Variants in AKT2 observed in about 807,000 individuals in gnomAD.
AKT2 encodes the protein AKT serine/threonine kinase 2.
A neutral mutation model predicts 58.6 loss-of-function variants in AKT2; 16 were observed. The ratio of observed to expected loss-of-function variants is 0.27; its 90% CI spans 0.18 to 0.41. The LOEUF is 0.41. Among genes scored for constraint, AKT2 ranks in the 10% least tolerant of loss-of-function variants. The probability of loss-of-function intolerance (pLI) is 1.00; values close to 1 mark genes in which losing one functional copy is unlikely to be tolerated. For synonymous variants in AKT2, 253 were observed against 254.0 expected (o/e 1.00, Z 0.04); for missense variants, 438 against 661.0 (o/e 0.66, Z 3.70).
intron 6 of AKT2, chr19:40,240,444 G>C: frequency 1.9e-6 from 1 of 526,576 alleles, no homozygotes. Context: ...GCTGTGGGAA[G>C]TCCCACCTAG....
chr19:40,238,878 G>A lies in AKT2; in HGVS notation c.708+27C>T. On this transcript the variant is annotated intron_variant, in intron 8 of 13. Coordinates refer to ENST00000392038, the MANE Select transcript of AKT2 (RefSeq NM_001626.6). This position sits in a 1 kb window ranked among gnomAD's most constrained non-coding sequence, Gnocchi z 5.1. Reference sequence around the variant, plus strand: ...CACCCTAAAGAAGGAGGCCCCAGAGGGCAAAGTCAAGGCAGCCGCGGCTCA... The same window carrying A: ...CACCCTAAAGAAGGAGGCCCCAGAGAGCAAAGTCAAGGCAGCCGCGGCTCA... 1.2e-6 allele frequency: 2 copies of A among 1,613,232 alleles called. No individual in the cohort carries two copies. The highest frequency in any genetic ancestry group is 1.7e-6 in the Non-Finnish European group (2 of 1,179,300).
intron 9 of AKT2, chr19:40,236,645 C>T: frequency 1.9e-6 from 1 of 540,294 alleles, no homozygotes; most frequent in Non-Finnish European, 3.3e-6. Context: ...ACCCACCGTC[C>T]CCATTGTGAA....
At position 40,271,054 on chromosome 19, in the gene AKT2, A is replaced by T. The variant is rs906647919; in HGVS notation, c.-84-5703T>A. On this transcript the variant is annotated intron_variant, in intron 1 of 13. Coordinates refer to ENST00000392038, the MANE Select transcript of AKT2 (RefSeq NM_001626.6). Reference sequence around the variant, plus strand: ...AACAAACAAACAAACAAACAAAAAAAGCTGGCCGGGCACGGTGGCTCACAC... The same window carrying T: ...AACAAACAAACAAACAAACAAAAAATGCTGGCCGGGCACGGTGGCTCACAC... Among the ~76,000 whole-genome samples the T allele has an allele frequency of 2.6e-5, 4 of 151,090 alleles. No homozygotes were observed. In the South Asian group the frequency reaches 6.3e-4, roughly 24 times the overall value.
intron 4 of AKT2, among the ~76,000 whole-genome samples, chr19:40,253,938 GA>G (rs1975351847): frequency 6.7e-6 from 1 of 149,732 alleles, no homozygotes; most frequent in South Asian, 2.1e-4. Context: ...TACACTAAGG[GA>G]AAAAGCAAGT....
At chr19:40,254,654 C>A (rs2356230) in intron 4 of AKT2, among the ~76,000 whole-genome samples, 17,326 of 150,636 alleles carry the variant, frequency 0.12, 1,430 homozygotes, top group African/African-American at 0.23. Context: ...ATGGAGAAGC[C>A]CCTTTTCTAC....
intron 2 of AKT2, among the ~76,000 whole-genome samples, chr19:40,259,826 A>G (rs902734150): frequency 6.6e-6 from 1 of 152,260 alleles, no homozygotes; most frequent in Non-Finnish European, 1.5e-5. Flanking sequence ...AAAGATGTTC[A>G]GCATCATTAG....
At chr19:40,255,917 T>A (rs1316652299) in intron 3 of AKT2, among the ~76,000 whole-genome samples, 1 of 151,094 alleles carries the variant, frequency 6.6e-6, no homozygotes, top group Non-Finnish European at 1.5e-5. Flanking sequence ...GCCAGGGAGG[T>A]GGGGAGCCAG....
intron 2 of AKT2, among the ~76,000 whole-genome samples, chr19:40,258,778 C>T (rs1975735122): frequency 6.6e-6 from 1 of 151,084 alleles, no homozygotes; most frequent in Non-Finnish European, 1.5e-5. Flanking sequence ...AATGCAAAAA[C>T]ATCCTGTGTG....
chr19:40,260,252 G>A lies in AKT2; in HGVS notation c.47-3198C>T, dbSNP rs145447168. 7.2e-5 allele frequency among the ~76,000 whole-genome samples: 11 copies of A among 152,234 alleles called. No individual in the cohort carries two copies. The East Asian group carries it at 2.1e-3, about 29-fold the overall frequency. On this transcript the variant is annotated intron_variant, in intron 2 of 13. Transcript: ENST00000392038. ...TGTAATGAAAAAAAAACAAGTGTTG[G>A]CAAGGATATAAACTGACACCCTCAT...
chr19:40,236,526 C>A, intron 9 of AKT2, 141 bp from the exon 10 acceptor site: 2 of 1,121,986 alleles, frequency 1.8e-6, no homozygotes, highest in Non-Finnish European at 2.6e-6. Flanking sequence ...CACAGCCTCA[C>A]CCTCTGAGGC....
chr19:40,272,038 C>A (rs905136659), intron 1 of AKT2, among the ~76,000 whole-genome samples: 7 of 152,234 alleles, frequency 4.6e-5, no homozygotes, highest in African/African-American at 1.4e-4. Flanking sequence ...GCTCACATAG[C>A]CCATACCACG....
rs574023063 is a variant in AKT2, at chr19:40,234,488, T to C, written c.1367-537A>G. The C allele has an allele frequency of 2.8e-5, 7 of 248,462 alleles. No homozygotes were observed. In the East Asian group the frequency reaches 4.3e-4, roughly 15 times the overall value. The allele number at this position is 248,462 out of a possible 1,614,324, so 15.4% of individuals were successfully genotyped here. ...CTGCTGCCGGTCCTTAGCTATGCCA[T>C]GCTTCTCCCATTGCTGGCATCCCAC... On this transcript the variant is annotated intron_variant, in intron 13 of 13. Coordinates refer to ENST00000392038, the MANE Select transcript of AKT2 (RefSeq NM_001626.6). This position sits in a 1 kb window ranked among gnomAD's most constrained non-coding sequence, Gnocchi z 4.7.
In AKT2 at chr19:40,230,848, G is replaced by C. The variant is rs1336082153; in HGVS notation, c.*3024C>G. On this transcript the variant is annotated 3_prime_UTR_variant, in exon 14 of 14. Coordinates refer to ENST00000392038, the MANE Select transcript of AKT2 (RefSeq NM_001626.6). Reference sequence around the variant, plus strand: ...TTCCCACCTCACCTCAGCCTTCCAAGTTAGCTGGGATTGCAGGCATGCACC... The same window carrying C: ...TTCCCACCTCACCTCAGCCTTCCAACTTAGCTGGGATTGCAGGCATGCACC... 3 of 188,026 alleles carry C rather than the reference G, an allele frequency of 1.6e-5. No individual in the cohort carries two copies. 11.6% of individuals were successfully genotyped at this position (188,026 alleles called of 1,614,324 possible).
chr19:40,255,135 G>C lies in AKT2; in HGVS notation c.287+23C>G, dbSNP rs1364181470. The C allele has an allele frequency of 1.9e-6, 3 of 1,579,602 alleles. No individual in the cohort carries two copies. In the South Asian group the frequency reaches 3.3e-5, roughly 17 times the overall value. On this transcript the variant is annotated intron_variant, in intron 4 of 13. Transcript: ENST00000392038. ...CCAGGCTTGCTCCCTCTCAAGGGCAGCCACACAGAGGCCCAGACTGACCTC... is the reference window on the plus strand; with the variant it reads ...CCAGGCTTGCTCCCTCTCAAGGGCACCCACACAGAGGCCCAGACTGACCTC...
In AKT2 at chr19:40,233,429, G is replaced by A. The variant is rs564217176; in HGVS notation, c.*443C>T. ...CCTGGCCACTCCGAGCCTAGGCCAC[G>A]GGGCCTGGAAGGCAGCACCACTGTC... On this transcript the variant is annotated 3_prime_UTR_variant, in exon 14 of 14. Coordinates refer to ENST00000392038, the MANE Select transcript of AKT2 (RefSeq NM_001626.6). This position sits in a 1 kb window ranked among gnomAD's most constrained non-coding sequence, Gnocchi z 4.3. The A allele has an allele frequency of 7.3e-5, 36 of 490,422 alleles. No individual in the cohort carries two copies. Among genetic ancestry groups the A allele is most frequent in the East Asian group, 6.9e-4 (19 of 27,494 alleles). The allele number at this position is 490,422 out of a possible 1,614,324, so 30.4% of individuals were successfully genotyped here. A position where few individuals can be genotyped will look rare whatever the true frequency, so the allele number is the denominator to read the frequency against.
intron 4 of AKT2, among the ~76,000 whole-genome samples, chr19:40,247,484 C>A (rs2145237027): frequency 6.6e-6 from 1 of 152,314 alleles, no homozygotes; most frequent in Admixed American, 6.5e-5. Context: ...CTTAGCACCA[C>A]CCGCCTGTCC....
rs557871546 is a variant in AKT2, at chr19:40,233,192, G to T, written c.*680C>A. 56 of 265,886 alleles carry T rather than the reference G, an allele frequency of 2.1e-4. No homozygotes were observed. Among genetic ancestry groups the T allele is most frequent in the African/African-American group, 1.2e-3 (55 of 46,350 alleles). The allele number at this position is 265,886 out of a possible 1,614,324, so 16.5% of individuals were successfully genotyped here. A position where few individuals can be genotyped will look rare whatever the true frequency, so the allele number is the denominator to read the frequency against. Reference sequence around the variant, plus strand: ...CTGCCTCATCCATAGGGTGAGGACAGTTTGGTGGGGAGGAGGCCGGACCAG... The same window carrying T: ...CTGCCTCATCCATAGGGTGAGGACATTTTGGTGGGGAGGAGGCCGGACCAG... On this transcript the variant is annotated 3_prime_UTR_variant, in exon 14 of 14. Coordinates refer to ENST00000392038, the MANE Select transcript of AKT2 (RefSeq NM_001626.6). The surrounding 1 kb of genome is among the most constrained non-coding windows in gnomAD (Gnocchi z 4.3).
At chr19:40,240,677 G>C (rs1974345957) in intron 6 of AKT2, 1 of 214,234 alleles carries the variant, frequency 4.7e-6, no homozygotes, top group Non-Finnish European at 9.5e-6. Context: ...AGAACCACCA[G>C]GAGTGGTTCC....
intron 1 of AKT2, among the ~76,000 whole-genome samples, chr19:40,278,798 G>A (rs972244817): frequency 1.3e-5 from 2 of 151,658 alleles, no homozygotes; most frequent in Admixed American, 6.6e-5. Flanking sequence ...CCTCCCCACC[G>A]CCCCACTCAG....
Sources: gnomAD v4.1 joint callset for allele counts (sites outside exome capture counted in the v4.1 genomes callset) on GRCh38, gnomAD v4.1.1 for gene constraint, Gnocchi (gnomAD v3.1) non-coding constraint, MANE v1.5 for transcripts, NCBI Gene and HGNC (gene_info 2026-07-23, HGNC 2026-07-21) for gene names.